The following MORF4L1 variants were observed in gnomAD, a reference collection of about 807,000 sequenced individuals.
MORF4L1 encodes the protein mortality factor 4 like 1.
In MORF4L1, 4 loss-of-function variants were observed where a neutral mutation model predicts 52.9. The ratio of observed to expected loss-of-function variants is 0.08; its 90% CI spans 0.04 to 0.17. The LOEUF (loss-of-function observed/expected upper bound fraction) is 0.17. Among genes scored for constraint, MORF4L1 ranks in the 10% least tolerant of loss-of-function variants. The pLI is 1.00. For missense variants in MORF4L1, 214 were observed against 390.4 expected, an observed-to-expected ratio of 0.55 and a Z score of 3.81; for synonymous variants, 123 against 134.8, an observed-to-expected ratio of 0.91 and a Z score of 0.61.
rs1340007734 is a variant in MORF4L1, at chr15:78,897,201, C to CT, written c.*134_*135insT. On this transcript the variant is annotated 3_prime_UTR_variant, in exon 12 of 12. Coordinates refer to ENST00000426013, the MANE Select transcript of MORF4L1 (RefSeq NM_006791.4). ...TGTTTGTTTTCTGTTTGATTTTAAA[C>CT]AGAGAAAAAATAAAAGGGGGTAATA... 4.6e-6 allele frequency: 3 copies of CT among 653,780 alleles called. No homozygotes were observed. Among genetic ancestry groups the CT allele is most frequent in the Admixed American group, 3.1e-5 (1 of 31,880 alleles). 40.5% of individuals were successfully genotyped at this position (653,780 alleles called of 1,614,324 possible). A position where few individuals can be genotyped will look rare whatever the true frequency, so the allele number is the denominator to read the frequency against.
At chr15:78,891,637 C>A in intron 7 of MORF4L1, 65 bp downstream of exon 7, 1 of 1,282,084 alleles carries the variant, frequency 7.8e-7, no homozygotes, top group South Asian at 1.3e-5. Flanking sequence ...ATGACATAAC[C>A]ATGGGAGCTT....
At chr15:78,884,632 T>C (rs1596245064) in intron 3 of MORF4L1, among the ~76,000 whole-genome samples, 2 of 107,472 alleles carry the variant, frequency 1.9e-5, no homozygotes, top group South Asian at 7.0e-4. Context: ...AGAGCGCAAC[T>C]CTGTCTCAAA....
At chr15:78,879,773 CAAAAA>C (rs10664763) in intron 2 of MORF4L1, among the ~76,000 whole-genome samples, 2 of 124,666 alleles carry the variant, frequency 1.6e-5, no homozygotes, top group Admixed American at 8.0e-5. Flanking sequence ...CTGTCTCTAC[CAAAAA>C]AAAAAAAAAA....
intron 8 of MORF4L1, chr15:78,892,538 A>G (rs555276504): frequency 5.1e-6 from 2 of 388,568 alleles, no homozygotes; most frequent in Non-Finnish European, 9.3e-6. Context: ...ATAAAGGTGG[A>G]AATAACTCAT....
chr15:78,890,369 T>G (rs1005377864), intron 5 of MORF4L1, among the ~76,000 whole-genome samples: 4 of 152,158 alleles, frequency 2.6e-5, no homozygotes, highest in African/African-American at 9.7e-5. Context: ...GAAAAAAATT[T>G]TAACCTTTGA....
chr15:78,874,992 A>G (rs989593205), intron 1 of MORF4L1, among the ~76,000 whole-genome samples: 2 of 152,056 alleles, frequency 1.3e-5, no homozygotes, highest in African/African-American at 4.8e-5. Flanking sequence ...TCTCAACATT[A>G]CAGTTATGGA....
rs146985090 is a variant in MORF4L1 at position 78,879,141 on chromosome 15, C to T, written c.87+882C>T. ...GTTTCAGCTACTCAGAAGGCTGAGG[C>T]TAGAGGATTGCTTGAGCCCAGGAGT... On this transcript the variant is annotated intron_variant, in intron 2 of 11. Transcript: ENST00000426013. Among the ~76,000 whole-genome samples, 85 of 152,214 alleles carry T rather than the reference C, an allele frequency of 5.6e-4. 1 individual carries two copies. The highest frequency in any genetic ancestry group is 2.0e-3 in the African/African-American group (82 of 41,524).
rs71148578 is a variant in MORF4L1, at chr15:78,896,308, C to CTTTTTTTTTTTTTTTTTTTTTTTTTTT, written c.888-652_888-651insTTTTTTTTTTTTTTTTTTTTTTTTTTT. ...ATTTTTTTCTTTTTTCTTTTCTTTT[C>CTTTTTTTTTTTTTTTTTTTTTTTTTTT]TTTTTTTTTTTTTTTTTTTTTTTGA... is the stretch of plus-strand genomic sequence containing the variant. On this transcript the variant is annotated intron_variant, in intron 11 of 11. Transcript: ENST00000426013. 3.7e-5 allele frequency among the ~76,000 whole-genome samples: 3 copies of CTTTTTTTTTTTTTTTTTTTTTTTTTTT among 81,448 alleles called. 1 individual carries two copies. The allele number at this position is 81,448 out of a possible 152,430, so 53.4% of individuals were successfully genotyped here.
chr15:78,873,657 C>A (rs950033478), intron 1 of MORF4L1: 1 of 156,070 alleles, frequency 6.4e-6, no homozygotes, highest in Non-Finnish European at 1.4e-5. Context: ...GGAGGCACAG[C>A]TTACGGGCAG....
chr15:78,889,306 C>T (rs2056759132), intron 5 of MORF4L1, among the ~76,000 whole-genome samples: 2 of 152,306 alleles, frequency 1.3e-5, no homozygotes, highest in South Asian at 2.1e-4. Context: ...TATCCCTTAT[C>T]TGAAGTGTTT....
chr15:78,891,127 A>G, intron 6 of MORF4L1, 113 bp downstream of exon 6: 1 of 1,240,070 alleles, frequency 8.1e-7, no homozygotes, highest in Non-Finnish European at 1.1e-6. Flanking sequence ...ATTATCTCAA[A>G]TAGGAGTCTC....
chr15:78,874,582 T>C (rs2056444274), intron 1 of MORF4L1, among the ~76,000 whole-genome samples: 2 of 49,118 alleles, frequency 4.1e-5, no homozygotes, highest in Admixed American at 3.6e-4. Flanking sequence ...TCTTTTTCTT[T>C]CTTTTTTTTT....
At chr15:78,892,113 T>C (rs2056811458) in intron 7 of MORF4L1, 99 bp from the exon 8 acceptor site, 5 of 734,478 alleles carry the variant, frequency 6.8e-6, no homozygotes, top group African/African-American at 1.8e-5. Context: ...TTGGCTACTT[T>C]AAGATTTATC....
chr15:78,872,919 T>C lies in MORF4L1; in HGVS notation c.-99T>C, dbSNP rs541897140. The C allele has an allele frequency of 2.0e-6, 3 of 1,487,098 alleles. No homozygotes were observed. Among genetic ancestry groups the C allele is most frequent in the Non-Finnish European group, 1.8e-6 (2 of 1,120,370 alleles). The allele number at this position is 1,487,098 out of a possible 1,614,324, so 92.1% of individuals were successfully genotyped here. On this transcript the variant is annotated 5_prime_UTR_variant, in exon 1 of 12. Transcript: ENST00000426013. ...CCGGCCCAGGATGTAGAGCTGGCAG[T>C]GCCTGACGGCGCGTCTGACGCGGAG...
chr15:78,889,976 A>AGC (rs1567313632), intron 5 of MORF4L1, among the ~76,000 whole-genome samples: 4 of 151,712 alleles, frequency 2.6e-5, no homozygotes, highest in Admixed American at 6.6e-5. Context: ...CTGTAATAGC[A>AGC]TTTTGGAAGG....
At chr15:78,879,238 C>G (rs8028352) in intron 2 of MORF4L1, among the ~76,000 whole-genome samples, 31,040 of 151,880 alleles carry the variant, frequency 0.2, 4,168 homozygotes, top group East Asian at 0.64. Context: ...CCGCCCCGCC[C>G]CCCAAGACAG....
intron 1 of MORF4L1, chr15:78,877,971 A>G: frequency 2.5e-6 from 1 of 407,126 alleles, no homozygotes; most frequent in Non-Finnish European, 4.4e-6. Context: ...GTGATAGATG[A>G]TTTGATTATT....
chr15:78,876,454 T>C (rs1246061928), intron 1 of MORF4L1: 3 of 420,202 alleles, frequency 7.1e-6, no homozygotes, highest in African/African-American at 6.2e-5. Context: ...TTTGCTGTCC[T>C]GGGTCATACT....
At chr15:78,874,283 C>T (rs149999612) in intron 1 of MORF4L1, among the ~76,000 whole-genome samples, 14 of 152,230 alleles carry the variant, frequency 9.2e-5, no homozygotes, top group Non-Finnish European at 1.9e-4. Context: ...CATTAGAATT[C>T]CTTTTAGAGC....
Sources: allele counts gnomAD v4.1 joint callset (sites outside exome capture counted in the v4.1 genomes callset), GRCh38; gene constraint gnomAD v4.1.1; transcripts MANE v1.5; gene names NCBI Gene and HGNC (gene_info 2026-07-23, HGNC 2026-07-21).